The following EYA1 variants were observed in gnomAD, a reference collection of about 807,000 sequenced individuals.
EYA1 encodes the protein EYA transcriptional coactivator and phosphatase 1.
Under a neutral mutation model 82.0 loss-of-function variants are expected in EYA1, and 16 were observed. The observed-to-expected ratio is 0.20, with a 90% CI of 0.13 to 0.30. The LOEUF is 0.30. Among genes scored for constraint, EYA1 ranks in the 10% least tolerant of loss-of-function variants. The probability of loss-of-function intolerance (pLI) is 1.00; values close to 1 mark genes in which losing one functional copy is unlikely to be tolerated. For synonymous variants in EYA1, 261 were observed against 264.4 expected (o/e 0.99, Z 0.12); for missense variants, 633 against 730.7 (o/e 0.87, Z 1.54).
intron 3 of EYA1, among the ~76,000 whole-genome samples, chr8:71,352,582 C>T (rs1002384463): frequency 5.3e-5 from 8 of 152,152 alleles, no homozygotes; most frequent in African/African-American, 1.4e-4. Flanking sequence ...ATTGTGTATT[C>T]GTCTGAAATC....
intron 2 of EYA1, among the ~76,000 whole-genome samples, chr8:71,400,048 G>T (rs1189556720): frequency 1.3e-5 from 2 of 152,156 alleles, no homozygotes; most frequent in Non-Finnish European, 2.9e-5. Flanking sequence ...ATGGGGAAAG[G>T]ATTCCCTATT....
intron 7 of EYA1, among the ~76,000 whole-genome samples, chr8:71,304,425 A>T (rs1222498602): frequency 7.0e-6 from 1 of 142,586 alleles, no homozygotes; most frequent in African/African-American, 2.5e-5. Flanking sequence ...TCTGTGAGTT[A>T]TTTCCCTTTT....
chr8:71,239,923 A>C (rs1812275012), intron 12 of EYA1, among the ~76,000 whole-genome samples: 1 of 152,230 alleles, frequency 6.6e-6, no homozygotes, highest in South Asian at 2.1e-4. Context: ...AAGCACAAAC[A>C]GTATGTCAGT....
rs562195895 is a variant in EYA1 at position 71,489,302 on chromosome 8, C to A, written c.33+46442G>T. Among the ~76,000 whole-genome samples the A allele has an allele frequency of 2.6e-5, 4 of 151,846 alleles. 1 individual carries two copies. The highest frequency in any genetic ancestry group is 9.7e-5 in the African/African-American group (4 of 41,430). ...TTATCCCTGGGTTCATTTTACTTTT[C>A]TATCTTTTTTTTTTCCTACCATAGT... On this transcript the variant is annotated intron_variant, in intron 2 of 18. Transcript: ENST00000643681.
In EYA1 at chr8:71,287,196, A is replaced by G. The variant is rs116703199; in HGVS notation, c.826+11851T>C. ...ATATTAGTTTAGATTCTCAGTGACT[A>G]TTACCTTAGCAGAATAAAAGATTTA... On this transcript the variant is annotated intron_variant, in intron 9 of 17. Coordinates refer to ENST00000340726, the MANE Select transcript of EYA1 (RefSeq NM_000503.6). Among the ~76,000 whole-genome samples, 430 of 152,294 alleles carry G rather than the reference A, an allele frequency of 2.8e-3. 1 individual carries two copies. Among genetic ancestry groups the G allele is most frequent in the African/African-American group, 9.9e-3 (411 of 41,558 alleles).
chr8:71,223,596 A>ACATGGGGCACGATCTCACAGC (rs1810210015), intron 12 of EYA1, among the ~76,000 whole-genome samples: 1 of 152,220 alleles, frequency 6.6e-6, no homozygotes, highest in South Asian at 2.1e-4. Flanking sequence ...GCAGAAAGCC[A>ACATGGGGCACGATCTCACAGC]CATGGGGCAC....
At chr8:71,379,479 G>A (rs1002118014) in intron 2 of EYA1, among the ~76,000 whole-genome samples, 1 of 149,058 alleles carries the variant, frequency 6.7e-6, no homozygotes, top group Admixed American at 6.8e-5. Flanking sequence ...TGTGCCTGAA[G>A]AGATTATATT....
At chr8:71,342,984 T>C (rs1306040100) in intron 3 of EYA1, among the ~76,000 whole-genome samples, 3 of 152,178 alleles carry the variant, frequency 2.0e-5, no homozygotes, top group South Asian at 2.1e-4. Flanking sequence ...ATTCAGAACA[T>C]ATACACAGAG....
At chr8:71,347,141 G>A (rs1010357328) in intron 3 of EYA1, among the ~76,000 whole-genome samples, 10 of 152,132 alleles carry the variant, frequency 6.6e-5, no homozygotes, top group Non-Finnish European at 1.3e-4. Context: ...TTTGGCTAGT[G>A]ACCTAAGCAC....
intron 2 of EYA1, among the ~76,000 whole-genome samples, chr8:71,412,515 C>T (rs72655709): frequency 0.22 from 33,067 of 152,026 alleles, 4,400 homozygotes; most frequent in Non-Finnish European, 0.3. Flanking sequence ...TTTAGTGATA[C>T]ATACTGAGAT....
intron 2 of EYA1, among the ~76,000 whole-genome samples, chr8:71,395,020 G>T (rs374934252): frequency 1.4e-4 from 22 of 152,062 alleles, no homozygotes; most frequent in South Asian, 4.1e-4. Context: ...CCCTTGTAAG[G>T]TGGATTCCTA....
intron 16 of EYA1, among the ~76,000 whole-genome samples, chr8:71,211,913 G>A (rs1379292726): frequency 6.6e-6 from 1 of 152,086 alleles, no homozygotes; most frequent in Non-Finnish European, 1.5e-5. Context: ...GGCATCTAAT[G>A]TTCAATGAAG....
upstream of EYA1, among the ~76,000 whole-genome samples, chr8:71,362,697 A>C (rs1237906608): frequency 6.6e-6 from 1 of 152,224 alleles, no homozygotes; most frequent in Non-Finnish European, 1.5e-5. Context: ...CTTGGCTATG[A>C]ACCAGATAAT....
chr8:71,498,947 C>T (rs557076069), intron 2 of EYA1, among the ~76,000 whole-genome samples: 1 of 152,272 alleles, frequency 6.6e-6, no homozygotes, highest in South Asian at 2.1e-4. Context: ...ATTAAACTCC[C>T]AAACAGAAAC....
At chr8:71,523,803 C>T (rs1248306691) in intron 2 of EYA1, among the ~76,000 whole-genome samples, 1 of 151,976 alleles carries the variant, frequency 6.6e-6, no homozygotes, top group East Asian at 1.9e-4. Context: ...AAATTCCAAA[C>T]GAGTAAGAAA....
chr8:71,392,662 G>A (rs1204759532), intron 2 of EYA1, among the ~76,000 whole-genome samples: 8 of 152,000 alleles, frequency 5.3e-5, no homozygotes, highest in Admixed American at 2.0e-4. Flanking sequence ...TATAATTATT[G>A]GTCTTTTCAG....
intron 2 of EYA1, among the ~76,000 whole-genome samples, chr8:71,460,959 C>T (rs1281335951): frequency 6.6e-6 from 1 of 152,152 alleles, no homozygotes; most frequent in Non-Finnish European, 1.5e-5. Context: ...TTTATATTTT[C>T]TGTTAATTAC....
chr8:71,427,885 T>C (rs188538864), intron 2 of EYA1, among the ~76,000 whole-genome samples: 51 of 150,496 alleles, frequency 3.4e-4, no homozygotes, highest in African/African-American at 1.2e-3. Context: ...CCTGGTGTGG[T>C]GGAAGGGTTG....
intron 2 of EYA1, among the ~76,000 whole-genome samples, chr8:71,489,518 C>A (rs565299231): frequency 6.6e-6 from 1 of 152,314 alleles, no homozygotes; most frequent in African/African-American, 2.4e-5. Flanking sequence ...CTAACCTTTA[C>A]ACATAAGCCT....
Sources: gnomAD v4.1 joint callset for allele counts (sites outside exome capture counted in the v4.1 genomes callset) on GRCh38, gnomAD v4.1.1 for gene constraint, MANE v1.5 for transcripts, NCBI Gene and HGNC (gene_info 2026-07-23, HGNC 2026-07-21) for gene names.